PTBP3: variants seen among roughly 807,000 people sequenced by gnomAD.
PTBP3 encodes the protein polypyrimidine tract-binding protein 3.
PTBP3 carries 20 observed loss-of-function variants against 58.7 expected under a neutral mutation model. The ratio of observed to expected loss-of-function variants is 0.34; its 90% CI spans 0.24 to 0.50. PTBP3 has a LOEUF of 0.50. Among genes scored for constraint, PTBP3 ranks in the 20% least tolerant of loss-of-function variants. The pLI, the probability that PTBP3 is intolerant of heterozygous loss-of-function variation, is 0.98. For synonymous variants in PTBP3, 185 were observed against 219.8 expected (o/e 0.84, Z 1.40); for missense variants, 509 against 637.2 (o/e 0.80, Z 2.17).
At chr9:112,300,731 G>A (rs147170704) in intron 1 of PTBP3, among the ~76,000 whole-genome samples, 7 of 151,260 alleles carry the variant, frequency 4.6e-5, no homozygotes, top group East Asian at 3.9e-4. Flanking sequence ...CAGCCTGGGC[G>A]ACAAAGCGAG....
intron 8 of PTBP3, 94 bp from the exon 9 acceptor site, chr9:112,232,332 A>G: frequency 7.9e-7 from 1 of 1,262,132 alleles, no homozygotes; most frequent in Middle Eastern, 2.2e-4. Flanking sequence ...AAGGAAAACT[A>G]CAGAAAGAAA....
rs2131956379 is a variant in PTBP3, at chr9:112,227,572, C to T, written c.1203G>A (p.Leu401=). The T allele has an allele frequency of 1.9e-6, 3 of 1,613,904 alleles. No homozygotes were observed. The highest frequency in any genetic ancestry group is 4.5e-5 in the East Asian group (2 of 44,848). The stretch of plus-strand genomic sequence containing the variant: ...GAAGCTGTACTGCTTGATGTTTGGA[C>T]AGTGTAGCACGAAGCACTTTCCCAT... ...RLYGKVLRAT[L]SKHQAVQLPR... is the part of the protein sequence containing the mutation. The change falls in exon 12 of 14, where the codon CTG becomes CTA. Residue 401 remains leucine (L), a synonymous_variant. Transcript: ENST00000374257.
chr9:112,328,069 A>C (rs1218039100), intron 1 of PTBP3, among the ~76,000 whole-genome samples: 1 of 152,182 alleles, frequency 6.6e-6, no homozygotes, highest in Non-Finnish European at 1.5e-5. Flanking sequence ...GAGTATTTTC[A>C]ATTCTTTTTT....
chr9:112,372,931 T>C, the PTBP3 span, among the ~76,000 whole-genome samples: 1 of 150,086 alleles, frequency 6.7e-6, no homozygotes, highest in African/African-American at 2.5e-5. Context: ...GAAGTTTCAC[T>C]CTTGTTGCCC....
intron 7 of PTBP3, among the ~76,000 whole-genome samples, chr9:112,239,652 G>C (rs1713295653): frequency 6.6e-6 from 1 of 151,692 alleles, no homozygotes; most frequent in South Asian, 2.1e-4. Context: ...GATTGCTTGA[G>C]CCCAGGAGTT....
the PTBP3 span, among the ~76,000 whole-genome samples, chr9:112,343,830 T>C: frequency 2.0e-5 from 3 of 152,202 alleles, no homozygotes. Flanking sequence ...TGCCCTCATT[T>C]TTCATTTCAT....
intron 4 of PTBP3, among the ~76,000 whole-genome samples, chr9:112,265,688 G>GTA (rs1390491355): frequency 6.6e-6 from 1 of 152,130 alleles, no homozygotes; most frequent in Non-Finnish European, 1.5e-5. Flanking sequence ...CAAGCAGAAC[G>GTA]TATAAGCATG....
chr9:112,279,047 G>A (rs1375169637), intron 2 of PTBP3, among the ~76,000 whole-genome samples: 1 of 151,954 alleles, frequency 6.6e-6, no homozygotes. Context: ...ATTACTATAT[G>A]AAATCTCAAA....
chr9:112,297,904 C>T lies in PTBP3; in HGVS notation c.-39G>A, dbSNP rs866416620. ...TTAATGATGCCAGAAGAAAGAAGCT[C>T]ATCAGATCCCCGCTGAAAAGCAAAA... On this transcript the variant is annotated 5_prime_UTR_variant, in exon 2 of 14. An upstream start codon of the reference 5' UTR is lost. Coordinates refer to ENST00000374257, the MANE Select transcript of PTBP3 (RefSeq NM_001163788.4). 1 of 1,612,238 alleles carries T rather than the reference C, an allele frequency of 6.2e-7. No homozygotes were observed. Among genetic ancestry groups the T allele is most frequent in the African/African-American group, 1.3e-5 (1 of 74,840 alleles).
the PTBP3 span, among the ~76,000 whole-genome samples, chr9:112,339,669 T>G: frequency 1.3e-5 from 2 of 151,974 alleles, no homozygotes; most frequent in Non-Finnish European, 2.9e-5. Context: ...GTTCAAGCGA[T>G]TCTCCTGCCT....
chr9:112,297,974 T>C, intron 1 of PTBP3, 58 bp from the exon 2 acceptor site: 3 of 1,341,126 alleles, frequency 2.2e-6, no homozygotes, highest in Non-Finnish European at 3.2e-6. Flanking sequence ...TGGTCCATAT[T>C]TACTAAAAGT....
chr9:112,363,930 G>GT, the PTBP3 span, among the ~76,000 whole-genome samples: 1 of 152,114 alleles, frequency 6.6e-6, no homozygotes, highest in African/African-American at 2.4e-5. Flanking sequence ...TGACATATCT[G>GT]TAACATTATG....
At chr9:112,254,073 C>G (rs915197216) in intron 5 of PTBP3, among the ~76,000 whole-genome samples, 2 of 152,298 alleles carry the variant, frequency 1.3e-5, no homozygotes, top group African/African-American at 4.8e-5. Context: ...TCACTGTAGG[C>G]TCCACCTCCC....
the PTBP3 span, among the ~76,000 whole-genome samples, chr9:112,374,392 G>A: frequency 1.3e-4 from 20 of 152,286 alleles, no homozygotes; most frequent in African/African-American, 4.3e-4. Flanking sequence ...ATCATTGGGC[G>A]TTACGGTAAG....
the PTBP3 span, among the ~76,000 whole-genome samples, chr9:112,349,320 C>T: frequency 1.3e-4 from 20 of 152,276 alleles, no homozygotes; most frequent in African/African-American, 4.3e-4. Context: ...CCCTATGCAT[C>T]TCTTCCATCC....
the PTBP3 span, among the ~76,000 whole-genome samples, chr9:112,379,186 T>G: frequency 2.0e-5 from 3 of 151,962 alleles, no homozygotes; most frequent in Non-Finnish European, 4.4e-5. Flanking sequence ...AGACTCCGTC[T>G]CAAAAAACAA....
upstream of PTBP3, among the ~76,000 whole-genome samples, chr9:112,337,307 G>A (rs1279533687): frequency 6.6e-6 from 1 of 152,200 alleles, no homozygotes; most frequent in Non-Finnish European, 1.5e-5. Context: ...TGGGATTACA[G>A]GCGTGAGCCA....
the PTBP3 span, among the ~76,000 whole-genome samples, chr9:112,368,744 T>G: frequency 6.6e-6 from 1 of 152,184 alleles, no homozygotes; most frequent in African/African-American, 2.4e-5. Context: ...CTCTGTGAAC[T>G]TAGCCAATTT....
At chr9:112,257,699 G>A (rs1218890473) in intron 5 of PTBP3, among the ~76,000 whole-genome samples, 1 of 152,088 alleles carries the variant, frequency 6.6e-6, no homozygotes, top group East Asian at 1.9e-4. Context: ...CAGCACTTTG[G>A]GAGGCCAAGG....
Sources: allele counts gnomAD v4.1 joint callset (sites outside exome capture counted in the v4.1 genomes callset), GRCh38; gene constraint gnomAD v4.1.1; transcripts MANE v1.5; gene names NCBI Gene and HGNC (gene_info 2026-07-23, HGNC 2026-07-21).